MYO3B: variants seen among roughly 807,000 people sequenced by gnomAD.
The protein encoded by MYO3B is myosin IIIB.
Under a neutral mutation model 174.6 loss-of-function variants are expected in MYO3B, and 156 were observed. The ratio of observed to expected loss-of-function variants is 0.89; its 90% CI spans 0.78 to 1.02. The LOEUF is 1.02. Ranked by LOEUF, MYO3B falls within the 50% of genes least tolerant of loss-of-function variation. The probability of loss-of-function intolerance (pLI) is 0.00; values close to 1 mark genes in which losing one functional copy is unlikely to be tolerated. For missense variants in MYO3B, 1,632 were observed against 1,639.4 expected, an observed-to-expected ratio of 1.00 and a Z score of 0.08; for synonymous variants, 563 against 569.1, an observed-to-expected ratio of 0.99 and a Z score of 0.15.
chr2:170,244,158 C>T (rs1006586371), intron 7 of MYO3B, among the ~76,000 whole-genome samples: 1 of 152,118 alleles, frequency 6.6e-6, no homozygotes, highest in African/African-American at 2.4e-5. Context: ...GTTGATGAGT[C>T]GTATGACTGG....
At chr2:170,637,169 G>C (rs986904971) in intron 32 of MYO3B, among the ~76,000 whole-genome samples, 8 of 103,136 alleles carry the variant, frequency 7.8e-5, no homozygotes, top group African/African-American at 3.1e-4. Context: ...TCAGAGTGTA[G>C]GGTTTTTTTT....
chr2:170,550,053 T>A lies in MYO3B; in HGVS notation c.3733+6065T>A, dbSNP rs895277236. Reference sequence around the variant, plus strand: ...GGGCATCTCTGTCCCATACCCAAATTCATGACTGAATGTCACACACAAGAC... The same window carrying A: ...GGGCATCTCTGTCCCATACCCAAATACATGACTGAATGTCACACACAAGAC... On this transcript the variant is annotated intron_variant, in intron 32 of 34. Coordinates refer to ENST00000408978, the MANE Select transcript of MYO3B (RefSeq NM_138995.5). 2.0e-5 allele frequency among the ~76,000 whole-genome samples: 3 copies of A among 152,166 alleles called. No individual in the cohort carries two copies. The South Asian group carries it at 6.2e-4, about 32-fold the overall frequency.
chr2:170,312,114 T>C (rs1055567976), intron 7 of MYO3B, among the ~76,000 whole-genome samples: 1 of 152,224 alleles, frequency 6.6e-6, no homozygotes, highest in Non-Finnish European at 1.5e-5. Context: ...CTTATTTCTT[T>C]GCACAACCTC....
chr2:170,392,491 A>T lies in MYO3B; in HGVS notation c.1787A>T (p.Asp596Val), dbSNP rs373607305. ...QHCFRIIGFT[D>V]KEVHSVYRIL... ...TGCTTCAGGATTATAGGGTTCACGG[A>T]CAAAGTAAGTGATGATCAAGAGAGG... Residue 596 changes from aspartate (D) to valine (V), a missense_variant, in exon 16 of 35, where the codon GAC (aspartate) becomes GTC (valine). Physicochemically the swap from Asp to Val is radical, Grantham distance 152 (BLOSUM62 -3). Coordinates refer to ENST00000408978, the MANE Select transcript of MYO3B (RefSeq NM_138995.5). 18 of 1,544,656 alleles carry T rather than the reference A, an allele frequency of 1.2e-5. No individual in the cohort carries two copies. Among genetic ancestry groups the T allele is most frequent in the Non-Finnish European group, 1.5e-5 (17 of 1,135,910 alleles).
At chr2:170,401,380 C>T in intron 17 of MYO3B, 101 bp from the exon 18 acceptor site, 1 of 1,099,408 alleles carries the variant, frequency 9.1e-7, no homozygotes, top group Non-Finnish European at 1.3e-6. Context: ...CAAAAGTACC[C>T]AAATGGAGTC....
intron 32 of MYO3B, among the ~76,000 whole-genome samples, chr2:170,592,226 T>C (rs1426184744): frequency 6.6e-6 from 1 of 152,174 alleles, no homozygotes; most frequent in Non-Finnish European, 1.5e-5. Context: ...TGAGGATGTT[T>C]CAGGCGTGGC....
chr2:170,554,920 C>T (rs976814049), intron 32 of MYO3B, among the ~76,000 whole-genome samples: 1 of 152,152 alleles, frequency 6.6e-6, no homozygotes, highest in African/African-American at 2.4e-5. Context: ...ATAATTGAAA[C>T]AACACATACT....
At chr2:170,513,923 G>A (rs1374388097) in intron 28 of MYO3B, among the ~76,000 whole-genome samples, 1 of 152,300 alleles carries the variant, frequency 6.6e-6, no homozygotes. Context: ...AAAGGAGAAA[G>A]GTCAGGGATA....
chr2:170,528,744 G>A (rs920628359), intron 30 of MYO3B, among the ~76,000 whole-genome samples: 9 of 152,158 alleles, frequency 5.9e-5, no homozygotes, highest in African/African-American at 1.9e-4. Context: ...ATCAGACGAC[G>A]ATGGACGGTT....
At chr2:170,538,161 G>A (rs902967842) in intron 30 of MYO3B, among the ~76,000 whole-genome samples, 12 of 152,166 alleles carry the variant, frequency 7.9e-5, no homozygotes, top group Admixed American at 7.9e-4. Context: ...GAAAAAGCCA[G>A]TTACTAGGCA....
chr2:170,226,127 C>T (rs1437012091), intron 6 of MYO3B, among the ~76,000 whole-genome samples: 3 of 152,084 alleles, frequency 2.0e-5, no homozygotes, highest in Admixed American at 6.5e-5. Context: ...ATGTTGATGC[C>T]GTGGCTGCTA....
chr2:170,618,767 G>A (rs541318627), intron 32 of MYO3B, among the ~76,000 whole-genome samples: 1 of 152,242 alleles, frequency 6.6e-6, no homozygotes, highest in Admixed American at 6.5e-5. Flanking sequence ...TGATTATGAG[G>A]TGAGATGGTC....
At chr2:170,284,185 T>C (rs775305311) in intron 7 of MYO3B, among the ~76,000 whole-genome samples, 1 of 152,166 alleles carries the variant, frequency 6.6e-6, no homozygotes, top group Non-Finnish European at 1.5e-5. Flanking sequence ...GAAATGCCTC[T>C]AATTATGGGA....
At chr2:170,329,727 A>T (rs1267227481) in intron 7 of MYO3B, among the ~76,000 whole-genome samples, 1 of 152,098 alleles carries the variant, frequency 6.6e-6, no homozygotes, top group Non-Finnish European at 1.5e-5. Flanking sequence ...TGAATCATGT[A>T]TTACAATTAA....
intron 32 of MYO3B, among the ~76,000 whole-genome samples, chr2:170,618,816 G>T (rs1340007576): frequency 6.6e-6 from 1 of 151,602 alleles, no homozygotes; most frequent in East Asian, 1.9e-4. Context: ...TTTGTATGTA[G>T]AAGTACAGTA....
intron 7 of MYO3B, among the ~76,000 whole-genome samples, chr2:170,288,434 C>T (rs537882479): frequency 1.3e-4 from 20 of 151,842 alleles, no homozygotes; most frequent in Non-Finnish European, 2.4e-4. Flanking sequence ...TTGTATAGAT[C>T]TTTCACTTCT....
chr2:170,225,474 A>C (rs1450781813), intron 6 of MYO3B, among the ~76,000 whole-genome samples: 1 of 152,242 alleles, frequency 6.6e-6, no homozygotes, highest in African/African-American at 2.4e-5. Context: ...TATATGAAGG[A>C]AAATGTAATA....
intron 7 of MYO3B, among the ~76,000 whole-genome samples, chr2:170,295,102 A>G (rs1457785258): frequency 6.6e-6 from 1 of 151,998 alleles, no homozygotes; most frequent in African/African-American, 2.4e-5. Flanking sequence ...TACTATAACT[A>G]AATTTTTGTT....
At position 170,509,083 on chromosome 2, in the gene MYO3B, A is replaced by G. The variant is rs1397609992; in HGVS notation, c.3371-5838A>G. ...ATAATGCTGTAACTTCAGGCCGGGCACAGTGGCTCAAGCATATAATCCCCG... is the reference window on the plus strand; with the variant it reads ...ATAATGCTGTAACTTCAGGCCGGGCGCAGTGGCTCAAGCATATAATCCCCG... On this transcript the variant is annotated intron_variant, in intron 28 of 34. Coordinates refer to ENST00000408978, the MANE Select transcript of MYO3B (RefSeq NM_138995.5). Among the ~76,000 whole-genome samples, 5 of 152,210 alleles carry G rather than the reference A, an allele frequency of 3.3e-5. No individual in the cohort carries two copies. The East Asian group carries it at 9.6e-4, about 29-fold the overall frequency.
Sources: allele counts gnomAD v4.1 joint callset (sites outside exome capture counted in the v4.1 genomes callset), GRCh38; gene constraint gnomAD v4.1.1; transcripts MANE v1.5; gene names NCBI Gene and HGNC (gene_info 2026-07-23, HGNC 2026-07-21).